The following SCAPER variants were observed in gnomAD, a reference collection of about 807,000 sequenced individuals.
The protein encoded by SCAPER is S phase cyclin A-associated protein in the endoplasmic reticulum.
SCAPER carries 98 observed loss-of-function variants against 182.2 expected under a neutral mutation model. The ratio of observed to expected loss-of-function variants is 0.54; its 90% CI spans 0.46 to 0.64. The LOEUF is 0.64. SCAPER is among the 30% of genes least tolerant of loss of function. The pLI, the probability that SCAPER is intolerant of heterozygous loss-of-function variation, is 0.00. For missense variants in SCAPER, 1,432 were observed against 1,690.0 expected (o/e 0.85, Z 2.68); for synonymous variants, 605 against 564.6 (o/e 1.07, Z -1.01).
At chr15:76,528,158 T>C (rs763057804) in intron 23 of SCAPER, among the ~76,000 whole-genome samples, 2 of 152,230 alleles carry the variant, frequency 1.3e-5, no homozygotes, top group Non-Finnish European at 2.9e-5. Context: ...CCATTCTTAG[T>C]TGGTGGGCAA....
Position 76,766,889 on chromosome 15 carries a change from T to G in SCAPER, c.1419+29A>C, listed in dbSNP as rs2063150324. The G allele has an allele frequency of 2.6e-6, 4 of 1,563,712 alleles. No individual in the cohort carries two copies. The East Asian group carries it at 9.0e-5, about 35-fold the overall frequency. On this transcript the variant is annotated intron_variant, in intron 11 of 31. Coordinates refer to ENST00000563290, the MANE Select transcript of SCAPER (RefSeq NM_020843.4). ...TTTGTTTCTAAATATAAATTTTGAA[T>G]AGTTATGTTAAAAAGTCTAAAAGCT...
At chr15:76,788,881 A>C (rs1388421631) in intron 8 of SCAPER, among the ~76,000 whole-genome samples, 1 of 152,140 alleles carries the variant, frequency 6.6e-6, no homozygotes, top group Admixed American at 6.5e-5. Flanking sequence ...TATGTTGCCC[A>C]GACTAGTACC....
chr15:76,883,679 T>C, intron 2 of SCAPER, 133 bp downstream of exon 2: 1 of 775,604 alleles, frequency 1.3e-6, no homozygotes. Flanking sequence ...CTGCTCACTT[T>C]ATCACTGTGC....
At chr15:76,769,443 A>C (rs1446708253) in intron 10 of SCAPER, among the ~76,000 whole-genome samples, 1 of 7,000 alleles carries the variant, frequency 1.4e-4, no homozygotes, top group African/African-American at 2.3e-4. Flanking sequence ...ACTCTGTCTC[A>C]AAAAAAAAAA....
intron 24 of SCAPER, among the ~76,000 whole-genome samples, chr15:76,474,883 A>G (rs1201707448): frequency 6.6e-6 from 1 of 152,160 alleles, no homozygotes; most frequent in Non-Finnish European, 1.5e-5. Context: ...AGTTGATGGG[A>G]GCCAGAAGGA....
chr15:76,744,572 T>C (rs746856073), intron 15 of SCAPER, among the ~76,000 whole-genome samples: 10 of 151,970 alleles, frequency 6.6e-5, no homozygotes, highest in Admixed American at 1.3e-4. Context: ...CAAATCAAAA[T>C]CACAATGAGA....
intron 22 of SCAPER, among the ~76,000 whole-genome samples, chr15:76,617,820 T>C (rs184599111): frequency 6.6e-6 from 1 of 152,194 alleles, no homozygotes; most frequent in Admixed American, 6.5e-5. Flanking sequence ...CACTTCTTGA[T>C]AGGAGAAACA....
chr15:76,898,887 A>G (rs1166382165), intron 1 of SCAPER, among the ~76,000 whole-genome samples: 3 of 152,222 alleles, frequency 2.0e-5, no homozygotes, highest in African/African-American at 7.2e-5. Context: ...TGAAGTGTAC[A>G]TTTTAAATGG....
chr15:76,548,200 T>A (rs2045458542), intron 23 of SCAPER, among the ~76,000 whole-genome samples: 2 of 152,304 alleles, frequency 1.3e-5, no homozygotes, highest in South Asian at 4.1e-4. Context: ...CAAATTAACC[T>A]GATTTTCAAT....
chr15:76,734,777 G>A (rs1052469803), intron 15 of SCAPER, among the ~76,000 whole-genome samples: 4 of 152,080 alleles, frequency 2.6e-5, no homozygotes, highest in African/African-American at 9.7e-5. Context: ...GGAGGCTGAG[G>A]CAGAGAACTG....
At chr15:76,557,916 T>G (rs149347287) in intron 23 of SCAPER, among the ~76,000 whole-genome samples, 29 of 152,236 alleles carry the variant, frequency 1.9e-4, no homozygotes, top group Non-Finnish European at 3.8e-4. Context: ...TCCTGTGCAA[T>G]AAACGGTGCT....
intron 27 of SCAPER, among the ~76,000 whole-genome samples, chr15:76,382,199 C>T (rs1227483187): frequency 6.6e-6 from 1 of 152,080 alleles, no homozygotes; most frequent in Non-Finnish European, 1.5e-5. Flanking sequence ...ATTAGGTCTA[C>T]ACAAATCAGA....
At chr15:76,855,036 A>G (rs1234305151) in intron 4 of SCAPER, among the ~76,000 whole-genome samples, 2 of 152,094 alleles carry the variant, frequency 1.3e-5, no homozygotes, top group Non-Finnish European at 2.9e-5. Flanking sequence ...ACTATGCTAT[A>G]AGGCTACAGT....
At chr15:76,615,127 T>G (rs1343517330) in intron 22 of SCAPER, among the ~76,000 whole-genome samples, 2 of 152,112 alleles carry the variant, frequency 1.3e-5, no homozygotes, top group Non-Finnish European at 2.9e-5. Context: ...AATCTCTCGT[T>G]GAAGAAAAGC....
chr15:76,433,985 G>C, intron 26 of SCAPER, 93 bp downstream of exon 26: 3 of 1,013,416 alleles, frequency 3.0e-6, no homozygotes, highest in Non-Finnish European at 4.3e-6. Context: ...GGCATTGTGA[G>C]AACCACTGCC....
intron 2 of SCAPER, among the ~76,000 whole-genome samples, chr15:76,882,405 A>T (rs756370689): frequency 6.6e-6 from 1 of 151,946 alleles, no homozygotes; most frequent in Non-Finnish European, 1.5e-5. Flanking sequence ...GAAAAAAAAA[A>T]AGATATTAAG....
chr15:76,747,834 A>G (rs187342925), intron 15 of SCAPER, among the ~76,000 whole-genome samples: 130 of 152,252 alleles, frequency 8.5e-4, no homozygotes, highest in Non-Finnish European at 4.3e-4. Flanking sequence ...CTTCTTGTAC[A>G]GCCTACAGAA....
intron 14 of SCAPER, 81 bp from the exon 15 acceptor site, chr15:76,754,029 G>A (rs2151195898): frequency 1.4e-6 from 2 of 1,447,044 alleles, no homozygotes; most frequent in Non-Finnish European, 1.9e-6. Context: ...AATGGCTTAT[G>A]AAATATAAAC....
At chr15:76,900,745 A>G (rs534813130) in intron 1 of SCAPER, among the ~76,000 whole-genome samples, 1 of 152,356 alleles carries the variant, frequency 6.6e-6, no homozygotes, top group East Asian at 1.9e-4. Context: ...TAAAAGAGCA[A>G]GGAGTAAATG....
Sources: gnomAD v4.1 joint callset for allele counts (sites outside exome capture counted in the v4.1 genomes callset) on GRCh38, gnomAD v4.1.1 for gene constraint, MANE v1.5 for transcripts, NCBI Gene and HGNC (gene_info 2026-07-23, HGNC 2026-07-21) for gene names.